CPEB3: variants seen among roughly 807,000 people sequenced by gnomAD.
CPEB3 encodes the protein cytoplasmic polyadenylation element-binding protein 3.
Under a neutral mutation model 67.2 loss-of-function variants are expected in CPEB3, and 20 were observed. The ratio of observed to expected loss-of-function variants is 0.30; its 90% CI spans 0.21 to 0.43. The LOEUF (loss-of-function observed/expected upper bound fraction) is 0.43, where lower values mean the gene tolerates loss of function less well. Ranked by LOEUF, CPEB3 falls within the 20% of genes least tolerant of loss-of-function variation. CPEB3 has a pLI of 1.00. For missense variants in CPEB3, 746 were observed against 968.6 expected (o/e 0.77, Z 3.05); for synonymous variants, 376 against 393.1 (o/e 0.96, Z 0.51).
chr10:92,226,695 G>A (rs916132067), intron 2 of CPEB3, among the ~76,000 whole-genome samples: 1 of 152,294 alleles, frequency 6.6e-6, no homozygotes, highest in African/African-American at 2.4e-5. Flanking sequence ...GTAAGACAAT[G>A]TAGCATAAGA....
At chr10:92,272,698 T>G (rs1423969579) in intron 1 of CPEB3, among the ~76,000 whole-genome samples, 1 of 152,202 alleles carries the variant, frequency 6.6e-6, no homozygotes, top group Admixed American at 6.5e-5. Context: ...ACCCTTGCCT[T>G]CATGAAGCTT....
intron 6 of CPEB3, chr10:92,118,732 T>C (rs1845168020): frequency 1.3e-6 from 1 of 745,416 alleles, no homozygotes. Context: ...GTATCAGAAA[T>C]GCTGTTCCTT....
intron 1 of CPEB3, among the ~76,000 whole-genome samples, chr10:92,256,111 C>T (rs7917088): frequency 0.32 from 49,285 of 151,930 alleles, 8,376 homozygotes; most frequent in Admixed American, 0.43. Context: ...TGATTCTTCC[C>T]CTTTTCCCTG....
chr10:92,084,874 C>T (rs1337361666), intron 8 of CPEB3, among the ~76,000 whole-genome samples: 2 of 152,094 alleles, frequency 1.3e-5, no homozygotes, highest in Non-Finnish European at 2.9e-5. Context: ...CCACCGTGCC[C>T]GGCCTCATCT....
chr10:92,280,782 G>A (rs1180112955), intron 1 of CPEB3, among the ~76,000 whole-genome samples: 6 of 122,432 alleles, frequency 4.9e-5, no homozygotes, highest in Admixed American at 9.6e-5. Flanking sequence ...TTTTGGAGAC[G>A]GAGTTTTGCT....
chr10:92,123,298 G>A (rs56991961), intron 6 of CPEB3, among the ~76,000 whole-genome samples: 42 of 152,238 alleles, frequency 2.8e-4, no homozygotes, highest in African/African-American at 1.0e-3. Context: ...ACCTGACCAA[G>A]GAAACTGAGA....
At chr10:92,176,909 GC>G (rs1360256075) in intron 4 of CPEB3, among the ~76,000 whole-genome samples, 9 of 152,216 alleles carry the variant, frequency 5.9e-5, no homozygotes, top group African/African-American at 1.9e-4. Context: ...TTTGAATGTG[GC>G]CCAAACAAAT....
rs1281300662 is a variant in CPEB3 at position 92,146,612 on chromosome 10, ACT to A, written c.1223-1529_1223-1528del. On this transcript the variant is annotated intron_variant, in intron 4 of 9. Transcript: ENST00000265997. The stretch of plus-strand genomic sequence containing the variant: ...CAAAAAAGTTAAAGTTATTAATATA[ACT>A]CTGGTTATTTTGTGAACAACCCAGG... 2.6e-5 allele frequency among the ~76,000 whole-genome samples: 4 copies of A among 152,322 alleles called. No individual in the cohort carries two copies. In the South Asian group the frequency reaches 8.3e-4, roughly 32 times the overall value.
chr10:92,100,843 G>A (rs891916426), intron 7 of CPEB3, among the ~76,000 whole-genome samples: 5 of 151,202 alleles, frequency 3.3e-5, no homozygotes, highest in Admixed American at 2.0e-4. Context: ...CACCCGCCTC[G>A]GCTTCCCAAA....
At chr10:92,073,413 G>A (rs569997120) in intron 9 of CPEB3, among the ~76,000 whole-genome samples, 1 of 152,098 alleles carries the variant, frequency 6.6e-6, no homozygotes, top group East Asian at 2.0e-4. Flanking sequence ...CAGCACTTTG[G>A]GAGGCCAAGG....
chr10:92,063,744 C>G (rs1842444986), intron 9 of CPEB3, among the ~76,000 whole-genome samples: 1 of 148,376 alleles, frequency 6.7e-6, no homozygotes, highest in Admixed American at 6.8e-5. Context: ...AGCCTGGTGA[C>G]AGAGCGAGAC....
At chr10:92,115,196 C>T (rs1156637245) in intron 6 of CPEB3, among the ~76,000 whole-genome samples, 1 of 152,216 alleles carries the variant, frequency 6.6e-6, no homozygotes, top group Admixed American at 6.5e-5. Flanking sequence ...GTCTCTTGCC[C>T]AGGCGGGAGT....
intron 2 of CPEB3, among the ~76,000 whole-genome samples, chr10:92,201,803 G>A (rs914989141): frequency 1.3e-5 from 2 of 151,972 alleles, no homozygotes; most frequent in African/African-American, 4.8e-5. Flanking sequence ...CTTCTTCCAG[G>A]TATCAACTCT....
intron 2 of CPEB3, among the ~76,000 whole-genome samples, chr10:92,236,239 A>G (rs1166053035): frequency 1.3e-5 from 2 of 152,152 alleles, no homozygotes; most frequent in Non-Finnish European, 2.9e-5. Context: ...CCTGCACTAC[A>G]TGGACGTTAA....
At chr10:92,122,952 T>C (rs780822629) in intron 6 of CPEB3, among the ~76,000 whole-genome samples, 6 of 152,254 alleles carry the variant, frequency 3.9e-5, no homozygotes, top group Non-Finnish European at 7.3e-5. Flanking sequence ...CATATTTCTT[T>C]AACAATATTT....
intron 4 of CPEB3, among the ~76,000 whole-genome samples, chr10:92,172,180 G>A (rs1024927603): frequency 1.3e-5 from 2 of 152,094 alleles, no homozygotes; most frequent in African/African-American, 2.4e-5. Context: ...CAGGTAACTT[G>A]CCACAAGGTC....
At chr10:92,192,358 T>C in intron 3 of CPEB3, 119 bp downstream of exon 3, 1 of 987,794 alleles carries the variant, frequency 1.0e-6, no homozygotes, top group South Asian at 1.7e-5. Flanking sequence ...TCCACAATGC[T>C]TTACAGAAGC....
At chr10:92,174,035 T>A (rs982709003) in intron 4 of CPEB3, among the ~76,000 whole-genome samples, 5 of 152,254 alleles carry the variant, frequency 3.3e-5, no homozygotes, top group African/African-American at 1.2e-4. Flanking sequence ...TCCTTTACTA[T>A]ACTTTTTTAT....
intron 1 of CPEB3, among the ~76,000 whole-genome samples, chr10:92,255,718 A>AT (rs1301932588): frequency 6.6e-6 from 1 of 152,230 alleles, no homozygotes; most frequent in Non-Finnish European, 1.5e-5. Context: ...GTTTTAAGCC[A>AT]TTAAGCTTGT....
Sources: gnomAD v4.1 joint callset for allele counts (sites outside exome capture counted in the v4.1 genomes callset) on GRCh38, gnomAD v4.1.1 for gene constraint, MANE v1.5 for transcripts, NCBI Gene and HGNC (gene_info 2026-07-23, HGNC 2026-07-21) for gene names.